SPAG16: variants seen among roughly 807,000 people sequenced by gnomAD.
The protein encoded by SPAG16 is sperm-associated antigen 16 protein.
SPAG16 carries 86 observed loss-of-function variants against 80.4 expected under a neutral mutation model. That is an observed-to-expected ratio of 1.07 (90% CI 0.90 to 1.28). The LOEUF (loss-of-function observed/expected upper bound fraction) is 1.28. Ranked by LOEUF, SPAG16 falls within the 50% of genes most tolerant of loss-of-function variation. The pLI, the probability that SPAG16 is intolerant of heterozygous loss-of-function variation, is 0.00. For missense variants in SPAG16, 870 were observed against 765.3 expected (o/e 1.14, Z -1.61); for synonymous variants, 294 against 265.9 (o/e 1.11, Z -1.03).
At chr2:214,336,039 G>A (rs1374935852) in intron 15 of SPAG16, among the ~76,000 whole-genome samples, 3 of 152,188 alleles carry the variant, frequency 2.0e-5, no homozygotes, top group South Asian at 4.1e-4. Context: ...TTATGGCTGT[G>A]AGCCACCACG....
chr2:213,861,731 A>G (rs1205222535), intron 10 of SPAG16, among the ~76,000 whole-genome samples: 1 of 152,182 alleles, frequency 6.6e-6, no homozygotes, highest in Non-Finnish European at 1.5e-5. Flanking sequence ...TTTTGATTTT[A>G]AAATAGTTGA....
intron 15 of SPAG16, among the ~76,000 whole-genome samples, chr2:214,354,415 T>C (rs1036729097): frequency 6.6e-6 from 1 of 152,192 alleles, no homozygotes; most frequent in African/African-American, 2.4e-5. Flanking sequence ...TGTAGTATAG[T>C]TTGAAGTCAG....
chr2:214,233,813 A>G (rs1688877027), intron 15 of SPAG16, among the ~76,000 whole-genome samples: 2 of 152,270 alleles, frequency 1.3e-5, no homozygotes, highest in South Asian at 2.1e-4. Flanking sequence ...TATGAGGTAT[A>G]ATTACCAGTA....
chr2:213,409,304 G>A (rs1475717214), intron 9 of SPAG16, among the ~76,000 whole-genome samples: 1 of 152,178 alleles, frequency 6.6e-6, no homozygotes, highest in Admixed American at 6.5e-5. Context: ...TATGTGCAAG[G>A]TGTGTAAGAA....
At chr2:214,364,857 A>G (rs1330103908) in intron 15 of SPAG16, among the ~76,000 whole-genome samples, 1 of 152,060 alleles carries the variant, frequency 6.6e-6, no homozygotes, top group Non-Finnish European at 1.5e-5. Flanking sequence ...GAGGTGAACT[A>G]TATATGGTTT....
intron 15 of SPAG16, among the ~76,000 whole-genome samples, chr2:214,205,245 C>A (rs191941980): frequency 1.7e-4 from 26 of 148,598 alleles, no homozygotes; most frequent in African/African-American, 6.3e-4. Context: ...GAAGAAGAAG[C>A]TATATCAAAA....
At chr2:213,812,371 C>T (rs1044542806) in intron 10 of SPAG16, among the ~76,000 whole-genome samples, 1 of 152,182 alleles carries the variant, frequency 6.6e-6, no homozygotes, top group Non-Finnish European at 1.5e-5. Context: ...TTGTCTCTGA[C>T]CTGATGCAGG....
intron 14 of SPAG16, among the ~76,000 whole-genome samples, chr2:214,136,096 C>T (rs2055038705): frequency 6.6e-6 from 1 of 152,018 alleles, no homozygotes; most frequent in Middle Eastern, 3.4e-3. Context: ...GGGGGTAGTG[C>T]CAGGCTGGTT....
chr2:214,219,440 TA>T (rs2058509223), intron 15 of SPAG16, among the ~76,000 whole-genome samples: 1 of 152,144 alleles, frequency 6.6e-6, no homozygotes, highest in Non-Finnish European at 1.5e-5. Flanking sequence ...TTTACTTATG[TA>T]AAATTTTATG....
intron 11 of SPAG16, among the ~76,000 whole-genome samples, chr2:213,894,582 C>G (rs1029007102): frequency 2.0e-5 from 3 of 152,078 alleles, no homozygotes; most frequent in African/African-American, 7.2e-5. Flanking sequence ...CAAAACAGTA[C>G]TGGAAACCCT....
At chr2:213,405,612 C>G (rs1389899300) in intron 9 of SPAG16, among the ~76,000 whole-genome samples, 1 of 152,162 alleles carries the variant, frequency 6.6e-6, no homozygotes, top group Admixed American at 6.5e-5. Flanking sequence ...CATTAACCAA[C>G]CTCTCTGCCT....
intron 15 of SPAG16, among the ~76,000 whole-genome samples, chr2:214,400,698 C>T (rs1297595298): frequency 6.6e-6 from 1 of 152,022 alleles, no homozygotes; most frequent in Non-Finnish European, 1.5e-5. Context: ...TAATAAGTCA[C>T]ATTCCATACC....
intron 9 of SPAG16, among the ~76,000 whole-genome samples, chr2:213,463,744 ACT>A (rs1211220214): frequency 1.8e-4 from 27 of 152,050 alleles, no homozygotes; most frequent in African/African-American, 6.0e-4. Context: ...TCATGGAGAA[ACT>A]CTGCTAGGGG....
At chr2:213,612,563 A>G (rs1218122864) in intron 10 of SPAG16, among the ~76,000 whole-genome samples, 2 of 152,212 alleles carry the variant, frequency 1.3e-5, no homozygotes, top group Admixed American at 6.5e-5. Flanking sequence ...CCATTTTCCC[A>G]GTTAACTTGG....
chr2:213,677,941 A>T (rs2064176053), intron 10 of SPAG16, among the ~76,000 whole-genome samples: 1 of 151,958 alleles, frequency 6.6e-6, no homozygotes, highest in Non-Finnish European at 1.5e-5. Context: ...GTGCAATCAA[A>T]CTAGAACTCA....
At chr2:214,271,553 C>T (rs1469355987) in intron 15 of SPAG16, among the ~76,000 whole-genome samples, 1 of 152,152 alleles carries the variant, frequency 6.6e-6, no homozygotes, top group Admixed American at 6.5e-5. Flanking sequence ...GTAACTCCAG[C>T]ACTTTGGGAG....
chr2:213,347,036 G>A (rs1288268767), intron 6 of SPAG16, among the ~76,000 whole-genome samples: 2 of 152,234 alleles, frequency 1.3e-5, no homozygotes, highest in South Asian at 2.1e-4. Context: ...TGGTTGGTAA[G>A]CTATTAATTA....
intron 11 of SPAG16, among the ~76,000 whole-genome samples, chr2:213,899,869 T>C (rs2077146746): frequency 6.6e-6 from 1 of 152,108 alleles, no homozygotes; most frequent in South Asian, 2.1e-4. Flanking sequence ...AATAATTATT[T>C]AAAAAATATT....
At chr2:214,067,951 A>G (rs1289106263) in intron 13 of SPAG16, among the ~76,000 whole-genome samples, 1 of 152,220 alleles carries the variant, frequency 6.6e-6, no homozygotes, top group Non-Finnish European at 1.5e-5. Flanking sequence ...CTTTGTAAAT[A>G]GAATTCAAAT....
Sources: allele counts gnomAD v4.1 joint callset (sites outside exome capture counted in the v4.1 genomes callset), GRCh38; gene constraint gnomAD v4.1.1; transcripts MANE v1.5; gene names NCBI Gene and HGNC (gene_info 2026-07-23, HGNC 2026-07-21).